Variants in LMBR1L observed in about 807,000 individuals in gnomAD.
LMBR1L encodes protein LMBR1L.
A neutral mutation model predicts 67.3 loss-of-function variants in LMBR1L; 47 were observed. The ratio of observed to expected loss-of-function variants is 0.70; its 90% CI spans 0.55 to 0.89. The LOEUF is 0.89. LMBR1L is among the 40% of genes least tolerant of loss of function. The pLI is 0.00. For synonymous variants in LMBR1L, 247 were observed against 250.3 expected (o/e 0.99, Z 0.13); for missense variants, 533 against 599.2 (o/e 0.89, Z 1.15).
chr12:49,103,142 G>A lies in LMBR1L; in HGVS notation c.580C>T (p.Leu194Phe), dbSNP rs1565591244. 6.2e-7 allele frequency: 1 copy of A among 1,613,854 alleles called. No individual in the cohort carries two copies. Among genetic ancestry groups the A allele is most frequent in the African/African-American group, 1.3e-5 (1 of 74,902 alleles). Residue 194 changes from leucine to phenylalanine, a missense_variant, in exon 7 of 17, where the codon CTC (leucine) becomes TTC (phenylalanine). Physicochemically the swap from Leu to Phe is conservative, Grantham distance 22 (BLOSUM62 0). This residue lies in a region of LMBR1L where 246 missense variants were observed against 249.0 expected (regional missense o/e 0.99). Coordinates refer to ENST00000267102, the MANE Select transcript of LMBR1L (RefSeq NM_018113.4). Reference sequence around the variant, plus strand: ...GAGATGCATGAGTAGAGGTAGGGGAGATAGTACTCCCAAAAGTCTAAGGAT... The same window carrying A: ...GAGATGCATGAGTAGAGGTAGGGGAAATAGTACTCCCAAAAGTCTAAGGAT... ...ESLYDFWEYY[L>F]PYLYSCISFL...
At position 49,110,629 on chromosome 12, in the gene LMBR1L, C is replaced by T; in HGVS notation, c.-74G>A. The T allele has an allele frequency of 7.4e-7, 1 of 1,356,174 alleles. No individual in the cohort carries two copies. The highest frequency in any genetic ancestry group is 1.1e-6 in the Non-Finnish European group (1 of 947,758). The allele number at this position is 1,356,174 out of a possible 1,614,324, so 84.0% of individuals were successfully genotyped here. A position where few individuals can be genotyped will look rare whatever the true frequency, so the allele number is the denominator to read the frequency against. ...ACGAGCGGGGAGGAAGCCGCCGCCGCCAAGCACCCAGACCCAGCCTAGGGG... is the reference window on the plus strand; with the variant it reads ...ACGAGCGGGGAGGAAGCCGCCGCCGTCAAGCACCCAGACCCAGCCTAGGGG... On this transcript the variant is annotated 5_prime_UTR_variant, in exon 1 of 17. Coordinates refer to ENST00000267102, the MANE Select transcript of LMBR1L (RefSeq NM_018113.4).
intron 2 of LMBR1L, chr12:49,106,552 C>T: frequency 7.6e-7 from 1 of 1,310,846 alleles, no homozygotes; most frequent in African/African-American, 1.5e-5. Flanking sequence ...CACCAGGTTC[C>T]CCAGTCATCA....
Position 49,098,032 on chromosome 12 carries a change from G to A in LMBR1L, c.1314C>T (p.Leu438=). 1 of 1,614,176 alleles carries A rather than the reference G, an allele frequency of 6.2e-7. No homozygotes were observed. The highest frequency in any genetic ancestry group is 8.5e-7 in the Non-Finnish European group (1 of 1,180,034). Residue 438 remains leucine (L), a synonymous_variant, in exon 16 of 17, where the codon CTC becomes CTT. Transcript: ENST00000267102. ...NWLGNFYIVF[L]YNAAFAGLTT... ...TGAGGCCTGCAAAGGCTGCGTTGTAGAGGAACACAATGTAGAAATTGCCCA... is the reference window on the plus strand; with the variant it reads ...TGAGGCCTGCAAAGGCTGCGTTGTAAAGGAACACAATGTAGAAATTGCCCA...
intron 15 of LMBR1L, 34 bp from the exon 16 acceptor site, chr12:49,098,139 C>T (rs760571957): frequency 3.8e-6 from 6 of 1,586,606 alleles, no homozygotes; most frequent in Admixed American, 3.5e-5. Context: ...GAGGTGGGCT[C>T]CCCAGGCCCT....
chr12:49,098,512 G>A (rs1024691767), intron 15 of LMBR1L, among the ~76,000 whole-genome samples: 7 of 152,158 alleles, frequency 4.6e-5, no homozygotes, highest in Non-Finnish European at 8.8e-5. Flanking sequence ...AACTAGCTGC[G>A]TGATCTGGGG....
intron 4 of LMBR1L, 77 bp downstream of exon 4, chr12:49,104,669 G>A (rs765660202): frequency 1.6e-5 from 26 of 1,594,298 alleles, no homozygotes; most frequent in South Asian, 3.3e-5. Context: ...CTTGGCGCAC[G>A]GCTGCCTGAG....
Position 49,105,107 on chromosome 12 carries a change from G to A in LMBR1L, c.192-222C>T, listed in dbSNP as rs1482868040. The A allele has an allele frequency of 9.3e-6, 5 of 535,650 alleles. No homozygotes were observed. The East Asian group carries it at 1.2e-4, about 13-fold the overall frequency. The allele number at this position is 535,650 out of a possible 1,614,324, so 33.2% of individuals were successfully genotyped here. Reference sequence around the variant, plus strand: ...GCTCATGGGATGGGCACAGCCTCGGGCATTCATGGGAACCTGGTCACCTGC... The same window carrying A: ...GCTCATGGGATGGGCACAGCCTCGGACATTCATGGGAACCTGGTCACCTGC... On this transcript the variant is annotated intron_variant, in intron 3 of 16. Coordinates refer to ENST00000267102, the MANE Select transcript of LMBR1L (RefSeq NM_018113.4).
At position 49,102,076 on chromosome 12, in the gene LMBR1L, A is replaced by G. The variant is rs754038570; in HGVS notation, c.930+44T>C. The G allele has an allele frequency of 2.6e-6, 4 of 1,556,490 alleles. No individual in the cohort carries two copies. In the African/African-American group the frequency reaches 4.1e-5, roughly 16 times the overall value. On this transcript the variant is annotated intron_variant, in intron 11 of 16. Coordinates refer to ENST00000267102, the MANE Select transcript of LMBR1L (RefSeq NM_018113.4). ...CTCCCCTCTCCCTGAGAAGGCCTCA[A>G]GTACTGAGGGTCCACTCCTCACCTC...
At chr12:49,098,284 G>A (rs1445225407) in intron 15 of LMBR1L, among the ~76,000 whole-genome samples, 179 bp from the exon 16 acceptor site, 2 of 152,200 alleles carry the variant, frequency 1.3e-5, no homozygotes, top group Non-Finnish European at 2.9e-5. Context: ...AGTGCCAGCA[G>A]CTAGGCTTGC....
chr12:49,105,777 G>A, intron 3 of LMBR1L, 147 bp downstream of exon 3: 1 of 607,820 alleles, frequency 1.6e-6, no homozygotes, highest in Non-Finnish European at 2.8e-6. Flanking sequence ...CCCAGGGTGA[G>A]GTAAAGCCGG....
Position 49,110,704 on chromosome 12 carries a change from T to G in LMBR1L, c.-149A>C. 1.5e-6 allele frequency: 1 copy of G among 676,084 alleles called. No homozygotes were observed. The highest frequency in any genetic ancestry group is 1.7e-5 in the South Asian group (1 of 59,682). The allele number at this position is 676,084 out of a possible 1,614,324, so 41.9% of individuals were successfully genotyped here. A position where few individuals can be genotyped will look rare whatever the true frequency, so the allele number is the denominator to read the frequency against. On this transcript the variant is annotated 5_prime_UTR_variant, in exon 1 of 17. Transcript: ENST00000267102. ...AACTCGGGGCAGTCTGGGGCTCAGA[T>G]ACAGTCGTCCGGACGCCCCGCCCTT...
rs759686249 is a variant in LMBR1L at position 49,102,302 on chromosome 12, C to A, written c.844G>T (p.Val282Phe). 6.2e-7 allele frequency: 1 copy of A among 1,614,188 alleles called. No individual in the cohort carries two copies. Among genetic ancestry groups the A allele is most frequent in the Admixed American group, 1.7e-5 (1 of 60,032 alleles). The change falls in exon 10 of 17, where the codon GTC becomes TTC. Residue 282 changes from valine (V) to phenylalanine (F), a missense_variant. Physicochemically the swap from Val to Phe is conservative, Grantham distance 50 (BLOSUM62 -1). Transcript: ENST00000267102. ...RQVLALQTQR[V>F]LLEKRRKASA... ...CTACGAAGCCACATACCCAGCAGGA[C>A]CCTCTGTGTCTGCAGAGCCAGGACC...
rs752900135 is a variant in LMBR1L at position 49,098,063 on chromosome 12, T to G, written c.1283A>C (p.Asn428Thr). The G allele has an allele frequency of 6.2e-7, 1 of 1,613,970 alleles. No homozygotes were observed. The highest frequency in any genetic ancestry group is 1.3e-5 in the African/African-American group (1 of 74,898). The change falls in exon 16 of 17, where the codon AAC (asparagine) becomes ACC (threonine). Residue 428 changes from asparagine (N) to threonine (T), a missense_variant. This residue lies in a region of LMBR1L where 223 missense variants were observed against 241.2 expected (regional missense o/e 0.92). Coordinates refer to ENST00000267102, the MANE Select transcript of LMBR1L (RefSeq NM_018113.4). ...CACAATGTAGAAATTGCCCAGCCAGTTGAAGCGTCCAAAGTCACCCAGCAG... is the reference window on the plus strand; with the variant it reads ...CACAATGTAGAAATTGCCCAGCCAGGTGAAGCGTCCAAAGTCACCCAGCAG... Reference protein sequence around the residue: ...FDLLGDFGRFNWLGNFYIVFL... With the variant: ...FDLLGDFGRFTWLGNFYIVFL...
intron 2 of LMBR1L, 101 bp downstream of exon 2, chr12:49,106,850 AACAGCCCCAC>A (rs1317719526): frequency 4.1e-6 from 4 of 984,352 alleles, no homozygotes; most frequent in Non-Finnish European, 3.3e-6. Context: ...AAGGCTCCAG[AACAGCCCCAC>A]ACAGCCACTG....
intron 11 of LMBR1L, 128 bp from the exon 12 acceptor site, chr12:49,101,677 TG>T: frequency 1.5e-6 from 1 of 664,762 alleles, no homozygotes; most frequent in Middle Eastern, 4.0e-4. Context: ...ATGAGCTATA[TG>T]GGACCTCATC....
chr12:49,105,979 G>A, intron 2 of LMBR1L, 22 bp from the exon 3 acceptor site: 1 of 1,611,050 alleles, frequency 6.2e-7, no homozygotes, highest in South Asian at 1.1e-5. Context: ...AGAGGCACGG[G>A]GAACAGGCAG....
At chr12:49,102,620 G>A (rs1235121608) in intron 8 of LMBR1L, 80 bp from the exon 9 acceptor site, 16 of 1,411,646 alleles carry the variant, frequency 1.1e-5, no homozygotes, top group Non-Finnish European at 1.6e-5. Context: ...GTTCTTCCCA[G>A]GGCTCCGTAG....
At chr12:49,103,484 T>A (rs960647141) in intron 6 of LMBR1L, among the ~76,000 whole-genome samples, 4 of 152,210 alleles carry the variant, frequency 2.6e-5, no homozygotes, top group Non-Finnish European at 4.4e-5. Context: ...AGCAACTGAA[T>A]AATATATATT....
rs751157694 is a variant in LMBR1L at position 49,100,616 on chromosome 12, G to C, written c.1113C>G (p.Phe371Leu). ...GGCTCCGGAAGAGTGGAGAGCTATA[G>C]AAGCCCACAACTGAGGACACCATTA... ...FYLMVSSVVG[F>L]YSSPLFRSLR... Residue 371 changes from phenylalanine to leucine, a missense_variant, in exon 14 of 17, where the codon TTC becomes TTG. Coordinates refer to ENST00000267102, the MANE Select transcript of LMBR1L (RefSeq NM_018113.4). 2 of 1,614,112 alleles carry C rather than the reference G, an allele frequency of 1.2e-6. No homozygotes were observed. The highest frequency in any genetic ancestry group is 1.7e-6 in the Non-Finnish European group (2 of 1,179,988).
Sources: allele counts gnomAD v4.1 joint callset (sites outside exome capture counted in the v4.1 genomes callset), GRCh38; gene constraint gnomAD v4.1.1; regional missense constraint gnomAD v4.1.1; transcripts MANE v1.5; gene names NCBI Gene and HGNC (gene_info 2026-07-23, HGNC 2026-07-21).